The following GABRA5 variants were observed in gnomAD, a reference collection of about 807,000 sequenced individuals.
The protein encoded by GABRA5 is gamma-aminobutyric acid type A receptor subunit alpha5, also known as gamma-aminobutyric acid receptor subunit alpha-5.
GABRA5 carries 18 observed loss-of-function variants against 47.3 expected under a neutral mutation model. That is an observed-to-expected ratio of 0.38 (90% CI 0.26 to 0.56). GABRA5 has a LOEUF of 0.56. Ranked by LOEUF, GABRA5 falls within the 20% of genes least tolerant of loss-of-function variation. The pLI is 0.71. For missense variants in GABRA5, 365 were observed against 599.3 expected (o/e 0.61, Z 4.08); for synonymous variants, 237 against 229.3 (o/e 1.03, Z -0.30).
chr15:26,914,768 G>A (rs775908878), intron 6 of GABRA5, 35 bp from the exon 7 acceptor site: 2 of 1,534,166 alleles, frequency 1.3e-6, no homozygotes, highest in Non-Finnish European at 1.8e-6. Flanking sequence ...TAGAGTGAGA[G>A]AGTCGTTCAA....
chr15:26,889,542 T>G (rs568106927), intron 6 of GABRA5, among the ~76,000 whole-genome samples: 2 of 152,338 alleles, frequency 1.3e-5, no homozygotes, highest in African/African-American at 4.8e-5. Flanking sequence ...TGGTAGTCAA[T>G]ATCAAATAGC....
intron 6 of GABRA5, among the ~76,000 whole-genome samples, chr15:26,913,607 A>G (rs1893650824): frequency 6.6e-6 from 1 of 152,236 alleles, no homozygotes; most frequent in African/African-American, 2.4e-5. Context: ...CTCTAAAAAT[A>G]GAATTATAAC....
In GABRA5 at chr15:26,883,379, G is replaced by A; in HGVS notation, c.319G>A (p.Glu107Lys). The A allele has an allele frequency of 6.2e-7, 1 of 1,614,008 alleles. No individual in the cohort carries two copies. Among genetic ancestry groups the A allele is most frequent in the African/African-American group, 1.3e-5 (1 of 75,050 alleles). Residue 107 changes from glutamate to lysine, a missense_variant, in exon 6 of 11, where the codon GAA becomes AAA. By Grantham distance (56) the Glu-to-Lys change is moderately conservative. This residue lies in a region of GABRA5 where 216 missense variants were observed against 335.3 expected (regional missense o/e 0.64). Transcript: ENST00000335625. The surrounding 1 kb of genome is among the most constrained non-coding windows in gnomAD (Gnocchi z 4.8). ...GTTTTTCCGACAAAGCTGGAAAGAT[G>A]AAAGGCTTCGGTTTAAGGGGCCCAT... ...DVFFRQSWKD[E>K]RLRFKGPMQR...
chr15:26,909,817 A>T (rs551178150), intron 6 of GABRA5, among the ~76,000 whole-genome samples: 1 of 152,266 alleles, frequency 6.6e-6, no homozygotes, highest in South Asian at 2.1e-4. Context: ...GAGGTAGCAT[A>T]CTCACAGGTT....
chr15:26,939,100 G>A, intron 8 of GABRA5: 1 of 679,264 alleles, frequency 1.5e-6, no homozygotes. Context: ...TTCAGCCAAA[G>A]TTTTTTGAAT....
chr15:26,874,115 G>A (rs1892536234), intron 3 of GABRA5, among the ~76,000 whole-genome samples: 1 of 152,150 alleles, frequency 6.6e-6, no homozygotes, highest in Non-Finnish European at 1.5e-5. Flanking sequence ...GAGCATGTGG[G>A]CTTTCGGGTT....
At chr15:26,887,027 G>C in intron 6 of GABRA5, among the ~76,000 whole-genome samples, 1 of 152,222 alleles carries the variant, frequency 6.6e-6, no homozygotes, top group East Asian at 1.9e-4. Context: ...GAGCACTTCA[G>C]TGCCAGGGTC....
rs924036201 is a variant in GABRA5 at position 26,883,805 on chromosome 15, A to G, written c.497+248A>G. ...GTTTATTCGGTTCAAGCTCAAGAGC[A>G]TCTTTGGAACCATGGCCCATATAAT... On this transcript the variant is annotated intron_variant, in intron 6 of 10. Transcript: ENST00000335625. This position sits in a 1 kb window ranked among gnomAD's most constrained non-coding sequence, Gnocchi z 4.8. Among the ~76,000 whole-genome samples, 2 of 152,198 alleles carry G rather than the reference A, an allele frequency of 1.3e-5. No individual in the cohort carries two copies. Among genetic ancestry groups the G allele is most frequent in the Non-Finnish European group, 2.9e-5 (2 of 68,026 alleles).
At chr15:26,906,847 C>T (rs1035393289) in intron 6 of GABRA5, among the ~76,000 whole-genome samples, 1 of 152,088 alleles carries the variant, frequency 6.6e-6, no homozygotes, top group East Asian at 1.9e-4. Flanking sequence ...GAAACATGAG[C>T]ATTAGAAAAA....
At chr15:26,908,226 A>G (rs978920111) in intron 6 of GABRA5, among the ~76,000 whole-genome samples, 3 of 152,150 alleles carry the variant, frequency 2.0e-5, no homozygotes, top group African/African-American at 7.2e-5. Context: ...ACAGGCCTGT[A>G]ATCCTTACAG....
rs77761850 is a variant in GABRA5 at position 26,944,999 on chromosome 15, G to A, written c.1089+1573G>A. Among the ~76,000 whole-genome samples the A allele has an allele frequency of 3.9e-4, 59 of 152,304 alleles. No homozygotes were observed. In the East Asian group the frequency reaches 0.01, roughly 26 times the overall value. ...CCATGTCCGCCCTGCCTCCTGTGGC[G>A]GCTGATCTAATCACCATAGATCTGA... is the stretch of plus-strand genomic sequence containing the variant. On this transcript the variant is annotated intron_variant, in intron 10 of 10. Coordinates refer to ENST00000335625, the MANE Select transcript of GABRA5 (RefSeq NM_000810.4).
intron 10 of GABRA5, among the ~76,000 whole-genome samples, chr15:26,947,655 TAGTGTTGCAGTGAAC>T (rs1200302140): frequency 6.6e-6 from 1 of 152,178 alleles, no homozygotes; most frequent in East Asian, 1.9e-4. Flanking sequence ...CTATTGTGAA[TAGTGTTGCAGTGAAC>T]ATTCTCATGC....
chr15:26,882,046 C>T (rs1445529279), intron 4 of GABRA5, among the ~76,000 whole-genome samples: 23 of 152,160 alleles, frequency 1.5e-4, no homozygotes, highest in Non-Finnish European at 1.5e-5. Context: ...GCATGAGTTG[C>T]CACTCTCTGC....
chr15:26,890,859 C>A (rs904341324), intron 6 of GABRA5, among the ~76,000 whole-genome samples: 4 of 152,102 alleles, frequency 2.6e-5, no homozygotes, highest in Non-Finnish European at 5.9e-5. Flanking sequence ...TATGAGATCT[C>A]CTTTTCCTAA....
rs187478931 is a variant in GABRA5 at position 26,880,768 on chromosome 15, C to T, written c.87-78C>T. On this transcript the variant is annotated intron_variant, in intron 3 of 10. Coordinates refer to ENST00000335625, the MANE Select transcript of GABRA5 (RefSeq NM_000810.4). ...TCAGGAGACAAGCCTCCACGTGACTCCCTGGTTTCTGTATCTTGAGAAGAA... is the reference window on the plus strand; with the variant it reads ...TCAGGAGACAAGCCTCCACGTGACTTCCTGGTTTCTGTATCTTGAGAAGAA... The T allele has an allele frequency of 1.3e-4, 202 of 1,497,916 alleles. 1 individual carries two copies. In the East Asian group the frequency reaches 4.5e-3, roughly 33 times the overall value. 92.8% of individuals were successfully genotyped at this position (1,497,916 alleles called of 1,614,324 possible).
At chr15:26,927,270 A>ATTTTTTTTT (rs11400477) in intron 7 of GABRA5, among the ~76,000 whole-genome samples, 1 of 142,222 alleles carries the variant, frequency 7.0e-6, no homozygotes. Context: ...TGTCCAGCTA[A>ATTTTTTTTT]TTTTTTTTTT....
In GABRA5 at chr15:26,883,299, C is replaced by G. The variant is rs370204944; in HGVS notation, c.277-38C>G. 6 of 1,611,662 alleles carry G rather than the reference C, an allele frequency of 3.7e-6. No individual in the cohort carries two copies. The Admixed American group carries it at 5.0e-5, about 13-fold the overall frequency. ...GCGCCGCAGGCCCCCGCCCAGGCCCCGTGCCCTCTGACTGCCTCGTGCCTT... is the reference window on the plus strand; with the variant it reads ...GCGCCGCAGGCCCCCGCCCAGGCCCGGTGCCCTCTGACTGCCTCGTGCCTT... On this transcript the variant is annotated intron_variant, in intron 5 of 10. Coordinates refer to ENST00000335625, the MANE Select transcript of GABRA5 (RefSeq NM_000810.4). This position sits in a 1 kb window ranked among gnomAD's most constrained non-coding sequence, Gnocchi z 4.8.
At chr15:26,872,176 A>T (rs117525725) in intron 3 of GABRA5, among the ~76,000 whole-genome samples, 2,116 of 152,344 alleles carry the variant, frequency 0.014, 21 homozygotes, top group Non-Finnish European at 0.02. Flanking sequence ...AATTGTGTCA[A>T]ATCCCGATTG....
At chr15:26,926,436 CA>C (rs1235936075) in intron 7 of GABRA5, among the ~76,000 whole-genome samples, 5 of 152,054 alleles carry the variant, frequency 3.3e-5, no homozygotes, top group Admixed American at 2.6e-4. Flanking sequence ...TCAACTTTTT[CA>C]AACTATGATC....
Sources: allele counts gnomAD v4.1 joint callset (sites outside exome capture counted in the v4.1 genomes callset), GRCh38; gene constraint gnomAD v4.1.1; regional missense constraint gnomAD v4.1.1; non-coding constraint Gnocchi (gnomAD v3.1); transcripts MANE v1.5; gene names NCBI Gene and HGNC (gene_info 2026-07-23, HGNC 2026-07-21).